ADGRV1: variants seen among roughly 807,000 people sequenced by gnomAD.
ADGRV1 encodes the protein adhesion G protein-coupled receptor V1.
ADGRV1 carries 359 observed loss-of-function variants against 596.2 expected under a neutral mutation model. The ratio of observed to expected loss-of-function variants is 0.60; its 90% confidence interval spans 0.55 to 0.66. ADGRV1 has a LOEUF of 0.66. Ranked by LOEUF, ADGRV1 falls within the 30% of genes least tolerant of loss-of-function variation. The pLI is 0.00. For missense variants in ADGRV1, 7,274 were observed against 7,575.6 expected (o/e 0.96, Z 1.48); for synonymous variants, 2,681 against 2,679.2 (o/e 1.00, Z -0.02).
chr5:90,789,966 G>A lies in ADGRV1; in HGVS notation c.14043+115G>A, dbSNP rs10942611. 7.5e-3 allele frequency: 5,199 copies of A among 695,030 alleles called. 32 individuals carry two copies. The highest frequency in any genetic ancestry group is 9.6e-3 in the Non-Finnish European group (4,659 of 485,230). The allele number at this position is 695,030 out of a possible 1,614,324, so 43.1% of individuals were successfully genotyped here. ...AAAGTTTTTGATAAACTAAAGTTACGTGAGTTTTCAGAGAAACAGAGGCTT... is the reference window on the plus strand; with the variant it reads ...AAAGTTTTTGATAAACTAAAGTTACATGAGTTTTCAGAGAAACAGAGGCTT... On this transcript the variant is annotated intron_variant, in intron 69 of 89. Coordinates refer to ENST00000405460, the MANE Select transcript of ADGRV1 (RefSeq NM_032119.4).
chr5:90,694,475 T>C lies in ADGRV1; in HGVS notation c.7719T>C (p.Asn2573=), dbSNP rs375629577. The C allele has an allele frequency of 9.9e-5, 159 of 1,613,860 alleles. No homozygotes were observed. The highest frequency in any genetic ancestry group is 1.2e-4 in the Non-Finnish European group (144 of 1,179,852). The change falls in exon 33 of 90, where the codon AAT becomes AAC. Residue 2573 remains asparagine (N), a synonymous_variant. Coordinates refer to ENST00000405460, the MANE Select transcript of ADGRV1 (RefSeq NM_032119.4). ...PNISTVVIAL[N]GDAFGVFVIY... is the part of the protein sequence containing the mutation. ...TTTCTACAGTTGTCATAGCACTAAA[T>C]GGTGATGCCTTTGGAGTGTTTGTGA...
chr5:91,083,144 G>C (rs1200855731), intron 86 of ADGRV1, among the ~76,000 whole-genome samples: 2 of 146,532 alleles, frequency 1.4e-5, no homozygotes, highest in Admixed American at 1.5e-4. Flanking sequence ...CGCAAGGACA[G>C]AAAACCAAAC....
At chr5:90,614,183 A>G (rs1272685112) in intron 1 of ADGRV1, 2 of 367,250 alleles carry the variant, frequency 5.4e-6, no homozygotes, top group South Asian at 2.1e-5. Context: ...GAAAGTTGTC[A>G]TGGAAAAAAA....
At chr5:90,857,389 T>TA (rs879317324) in intron 82 of ADGRV1, among the ~76,000 whole-genome samples, 54 of 141,790 alleles carry the variant, frequency 3.8e-4, no homozygotes, top group Middle Eastern at 3.6e-3. Flanking sequence ...AGACTGAATA[T>TA]AAAAAAAAAA....
At position 90,754,617 on chromosome 5, in the gene ADGRV1, G is replaced by T. The variant is rs529419322; in HGVS notation, c.11378-366G>T. 3.3e-5 allele frequency among the ~76,000 whole-genome samples: 5 copies of T among 152,212 alleles called. No individual in the cohort carries two copies. The South Asian group carries it at 1.0e-3, about 32-fold the overall frequency. On this transcript the variant is annotated intron_variant, in intron 54 of 89. Coordinates refer to ENST00000405460, the MANE Select transcript of ADGRV1 (RefSeq NM_032119.4). Reference sequence around the variant, plus strand: ...TATATATAATTTTTCATTTTTTGAAGAATCTTTTGAGCCTTTATAATTATC... The same window carrying T: ...TATATATAATTTTTCATTTTTTGAATAATCTTTTGAGCCTTTATAATTATC...
chr5:90,694,734 C>T (rs1057365912), intron 33 of ADGRV1, 33 bp downstream of exon 33: 1 of 1,500,538 alleles, frequency 6.7e-7, no homozygotes, highest in Non-Finnish European at 8.9e-7. Flanking sequence ...TTTCCGTTGC[C>T]CCAGTAAAGT....
chr5:90,747,641 C>T (rs1295604740), intron 52 of ADGRV1, among the ~76,000 whole-genome samples: 1 of 152,136 alleles, frequency 6.6e-6, no homozygotes, highest in Non-Finnish European at 1.5e-5. Flanking sequence ...AGGATTTTAA[C>T]TGGGGTCTGA....
intron 85 of ADGRV1, among the ~76,000 whole-genome samples, chr5:91,030,782 A>G (rs1456322591): frequency 6.6e-6 from 1 of 152,194 alleles, no homozygotes; most frequent in East Asian, 1.9e-4. Flanking sequence ...TGAAGTCATC[A>G]ACATGATTTT....
In ADGRV1 at chr5:90,684,149, C is replaced by G; in HGVS notation, c.6228C>G (p.Ile2076Met). The change falls in exon 28 of 90, where the codon ATC (isoleucine) becomes ATG (methionine). Residue 2076 changes from isoleucine to methionine, a missense_variant. Around this residue, in one of 5 missense-constraint regions of ADGRV1, gnomAD observed 3,643 missense variants for 3,809.2 expected, o/e 0.96. Transcript: ENST00000405460. The part of the protein sequence containing the change: ...DEPERSESVF[I>M]ELLNSTLVAK... ...CAGAAAGGTCCGAATCTGTCTTTAT[C>G]GAACTACTCAACTCTACTTTAGTAG... 1 of 1,613,674 alleles carries G rather than the reference C, an allele frequency of 6.2e-7. No individual in the cohort carries two copies. Among genetic ancestry groups the G allele is most frequent in the Non-Finnish European group, 8.5e-7 (1 of 1,179,776 alleles).
chr5:90,817,938 C>T (rs1393616949), intron 75 of ADGRV1, among the ~76,000 whole-genome samples: 1 of 152,036 alleles, frequency 6.6e-6, no homozygotes, highest in Non-Finnish European at 1.5e-5. Flanking sequence ...TAGTTTTTTC[C>T]AATTCTGTGA....
intron 65 of ADGRV1, among the ~76,000 whole-genome samples, chr5:90,782,051 T>C (rs1758908895): frequency 6.6e-6 from 1 of 152,170 alleles, no homozygotes; most frequent in South Asian, 2.1e-4. Flanking sequence ...GCCAATTCTT[T>C]CCTCTTGTAG....
intron 86 of ADGRV1, among the ~76,000 whole-genome samples, chr5:91,097,590 A>T (rs1289334431): frequency 6.6e-6 from 1 of 152,156 alleles, no homozygotes; most frequent in Non-Finnish European, 1.5e-5. Flanking sequence ...ATATATACCT[A>T]CAAGTGGAAT....
intron 85 of ADGRV1, among the ~76,000 whole-genome samples, chr5:91,027,193 TCTAA>T (rs368320185): frequency 0.014 from 1,210 of 88,348 alleles, 11 homozygotes; most frequent in African/African-American, 0.038. Context: ...ACACACACTG[TCTAA>T]CTAGAGGAGA....
In ADGRV1 at chr5:90,627,769, A is replaced by C. The variant is rs771127409; in HGVS notation, c.1231A>C (p.Ile411Leu). ...ERTVIIDEDRISRYEEITVVR... is the reference protein window; with the variant it reads ...ERTVIIDEDRLSRYEEITVVR... ...GACAGTTATAATTGATGAAGATAGA[A>C]TATCAAGGTATGATTTATTTTAAAT... The change falls in exon 7 of 90, where the codon ATA becomes CTA. Residue 411 changes from isoleucine (I) to leucine (L), a missense_variant. Physicochemically the swap from Ile to Leu is conservative, Grantham distance 5. Coordinates refer to ENST00000405460, the MANE Select transcript of ADGRV1 (RefSeq NM_032119.4). 3 of 1,486,350 alleles carry C rather than the reference A, an allele frequency of 2.0e-6. No individual in the cohort carries two copies. Among genetic ancestry groups the C allele is most frequent in the Admixed American group, 2.2e-5 (1 of 44,486 alleles). 92.1% of individuals were successfully genotyped at this position (1,486,350 alleles called of 1,614,324 possible).
At position 90,823,453 on chromosome 5, in the gene ADGRV1, C is replaced by T. The variant is rs199806093; in HGVS notation, c.16225C>T (p.Arg5409Ter). The stretch of plus-strand genomic sequence containing the variant: ...CTTTGAAGATGTCAAGGTCTTTTGG[C>T]GAGTCACACTTAACAAAACAGTCGT... ...RAFEDVKVFWRVTLNKTVVVL... is the reference protein window; with the variant it reads ...RAFEDVKVFW Residue 5409 changes from arginine (R) to a stop codon, truncating the protein, a stop_gained, in exon 76 of 90, where the codon CGA becomes TGA. Transcript: ENST00000405460. LOFTEE classifies it high-confidence loss of function. 9.3e-6 allele frequency: 15 copies of T among 1,613,294 alleles called. No homozygotes were observed. Among genetic ancestry groups the T allele is most frequent in the African/African-American group, 4.0e-5 (3 of 74,886 alleles).
Position 90,645,963 on chromosome 5 carries a change from C to A in ADGRV1, c.2899-5C>A. 1 of 1,575,868 alleles carries A rather than the reference C, an allele frequency of 6.3e-7. No homozygotes were observed. The highest frequency in any genetic ancestry group is 1.2e-5 in the South Asian group (1 of 82,416). On this transcript the variant is annotated splice_polypyrimidine_tract_variant and splice_region_variant and intron_variant, in intron 15 of 89. Transcript: ENST00000405460. ...CTGACTTAAAACGTGTAACATTTTC[C>A]AAAGATTCCAGAAGAAATGGAAGAA...
intron 85 of ADGRV1, among the ~76,000 whole-genome samples, chr5:91,021,972 A>G (rs1417956747): frequency 6.6e-6 from 1 of 152,058 alleles, no homozygotes; most frequent in Non-Finnish European, 1.5e-5. Context: ...GGTCAGCACC[A>G]TATTAGCGTA....
chr5:90,980,234 G>C (rs1275395975), intron 84 of ADGRV1, among the ~76,000 whole-genome samples: 1 of 152,116 alleles, frequency 6.6e-6, no homozygotes, highest in Non-Finnish European at 1.5e-5. Flanking sequence ...AGTTATTAAA[G>C]ATGAGACTAT....
Position 90,593,502 on chromosome 5 carries a change from C to T in ADGRV1, c.23-21333C>T, listed in dbSNP as rs570925544. ...CACTGGGAGAAATACCTAATATAAA[C>T]GACGAGTTGATGGGTGCAGCAGACC... On this transcript the variant is annotated intron_variant, in intron 1 of 89. Coordinates refer to ENST00000405460, the MANE Select transcript of ADGRV1 (RefSeq NM_032119.4). 4.6e-5 allele frequency among the ~76,000 whole-genome samples: 7 copies of T among 152,156 alleles called. No individual in the cohort carries two copies. The South Asian group carries it at 8.3e-4, about 18-fold the overall frequency.
Sources: gnomAD v4.1 joint callset for allele counts (sites outside exome capture counted in the v4.1 genomes callset) on GRCh38, gnomAD v4.1.1 for gene constraint, gnomAD v4.1.1 regional missense constraint, MANE v1.5 for transcripts, NCBI Gene and HGNC (gene_info 2026-07-23, HGNC 2026-07-21) for gene names.